The following NFATC1 variants were observed in gnomAD, a reference collection of about 807,000 sequenced individuals.
NFATC1 encodes the protein nuclear factor of activated T cells 1.
NFATC1 carries 22 observed loss-of-function variants against 76.0 expected under a neutral mutation model. That is an observed-to-expected ratio of 0.29 (90% CI 0.21 to 0.41). The LOEUF (loss-of-function observed/expected upper bound fraction) is 0.41, where lower values mean the gene tolerates loss of function less well. NFATC1 is among the 10% of genes least tolerant of loss of function. NFATC1 has a pLI of 1.00. For synonymous variants in NFATC1, 704 were observed against 613.1 expected, an observed-to-expected ratio of 1.15 and a Z score of -2.19; for missense variants, 1,357 against 1,337.7, an observed-to-expected ratio of 1.01 and a Z score of -0.23.
chr18:79,487,684 G>A (rs925861706), intron 9 of NFATC1, among the ~76,000 whole-genome samples: 2 of 152,206 alleles, frequency 1.3e-5, no homozygotes, highest in Non-Finnish European at 2.9e-5. Context: ...CGTTCTTCTC[G>A]ACTGTTTACA....
chr18:79,501,254 A>G (rs1229845671), intron 9 of NFATC1, among the ~76,000 whole-genome samples: 1 of 152,266 alleles, frequency 6.6e-6, no homozygotes, highest in Non-Finnish European at 1.5e-5. Context: ...AATGCAAGAA[A>G]AAAAGCATTT....
chr18:79,520,843 GTGTGTCTGTGTATGTGT>G (rs2090525498), intron 9 of NFATC1, among the ~76,000 whole-genome samples: 1 of 42,914 alleles, frequency 2.3e-5, no homozygotes, highest in Non-Finnish European at 4.6e-5. Context: ...CCACTGATGT[GTGTGTCTGTGTATGTGT>G]GGGGGGGGCA....
chr18:79,400,466 C>T lies in NFATC1; in HGVS notation c.127+4115C>T, dbSNP rs1284229550. 4.7e-6 allele frequency: 7 copies of T among 1,487,282 alleles called. No individual in the cohort carries two copies. In the African/African-American group the frequency reaches 7.3e-5, roughly 16 times the overall value. The allele number at this position is 1,487,282 out of a possible 1,614,324, so 92.1% of individuals were successfully genotyped here. On this transcript the variant is annotated intron_variant, in intron 1 of 9. Coordinates refer to ENST00000427363, the MANE Select transcript of NFATC1 (RefSeq NM_001278669.2). ...TTAACCAGCGCGACGAGGGCGCCGC[C>T]GCGGCCGCCCCAGGTGGGTCAGTCC...
chr18:79,424,809 GTCTCTGTCTCTCTGTCTCTCTCCA>G (rs1348970621), intron 2 of NFATC1, among the ~76,000 whole-genome samples: 1,486 of 121,816 alleles, frequency 0.012, 29 homozygotes, highest in African/African-American at 0.038. Flanking sequence ...GTGTCTGTCT[GTCTCTGTCTCTCTGTCTCTCTCCA>G]TCTCTGTCTC....
intron 3 of NFATC1, among the ~76,000 whole-genome samples, chr18:79,438,568 C>T (rs2086862545): frequency 6.6e-6 from 1 of 152,228 alleles, no homozygotes; most frequent in Admixed American, 6.5e-5. Context: ...TAATAGGTCA[C>T]TGGAATGTGA....
At chr18:79,509,898 C>T (rs1220013803) in intron 9 of NFATC1, among the ~76,000 whole-genome samples, 1 of 152,214 alleles carries the variant, frequency 6.6e-6, no homozygotes, top group Non-Finnish European at 1.5e-5. Flanking sequence ...AAAGTGTCCT[C>T]GGCGCCAGGT....
chr18:79,400,169 T>C, intron 1 of NFATC1: 2 of 1,107,118 alleles, frequency 1.8e-6, no homozygotes, highest in East Asian at 4.9e-5. Flanking sequence ...CACGAGTTTA[T>C]TTAAAAACTC....
intron 3 of NFATC1, among the ~76,000 whole-genome samples, chr18:79,435,317 T>C (rs1188698169): frequency 1.4e-5 from 2 of 141,028 alleles, no homozygotes; most frequent in Non-Finnish European, 3.1e-5. Flanking sequence ...GAGAGAGCTC[T>C]GAGGTTTCTG....
chr18:79,400,238 T>C, intron 1 of NFATC1: 1 of 1,198,042 alleles, frequency 8.3e-7, no homozygotes, highest in Admixed American at 4.8e-5. Context: ...GTTGTTTATG[T>C]AAACCCGGAA....
Position 79,486,697 on chromosome 18 carries a change from TC to T in NFATC1, c.2543del (p.Ser848PhefsTer64). ...LEHSLCPSSP[S>X]PPLPPATQEP... Reference sequence around the variant, plus strand: ...ACACTCGCTCTGCCCCAGCAGCCCCTCTCCTCCACTCCCGCCTGCCACCCAA... The same window carrying T: ...ACACTCGCTCTGCCCCAGCAGCCCCTTCCTCCACTCCCGCCTGCCACCCAA... On this transcript the variant is annotated frameshift_variant, in exon 9 of 10. Coordinates refer to ENST00000427363, the MANE Select transcript of NFATC1 (RefSeq NM_001278669.2). LOFTEE classifies it high-confidence loss of function. 6.3e-7 allele frequency: 1 copy of T among 1,598,498 alleles called. No homozygotes were observed. Among genetic ancestry groups the T allele is most frequent in the Non-Finnish European group, 8.5e-7 (1 of 1,175,026 alleles).
At chr18:79,440,679 A>C (rs761756045) in intron 3 of NFATC1, among the ~76,000 whole-genome samples, 1 of 152,198 alleles carries the variant, frequency 6.6e-6, no homozygotes, top group Non-Finnish European at 1.5e-5. Context: ...CACTGTCTGC[A>C]CTGTCCAGTG....
chr18:79,518,975 CA>C (rs1343457365), intron 9 of NFATC1, among the ~76,000 whole-genome samples: 2 of 152,224 alleles, frequency 1.3e-5, no homozygotes, highest in African/African-American at 4.8e-5. Context: ...GGGTCTCAGT[CA>C]AACCTCTTCC....
chr18:79,416,021 C>T (rs1373477329), intron 2 of NFATC1, among the ~76,000 whole-genome samples: 1 of 152,214 alleles, frequency 6.6e-6, no homozygotes, highest in Non-Finnish European at 1.5e-5. Context: ...GAGGTCGTGC[C>T]ACTGCACTCC....
chr18:79,515,453 TGGGC>T (rs2090356471), intron 9 of NFATC1, among the ~76,000 whole-genome samples: 1 of 147,706 alleles, frequency 6.8e-6, no homozygotes, highest in Non-Finnish European at 1.5e-5. Context: ...GTGGTGGTGG[TGGGC>T]GGGTGGTGGT....
At chr18:79,440,461 C>T (rs1288599055) in intron 3 of NFATC1, among the ~76,000 whole-genome samples, 2 of 152,244 alleles carry the variant, frequency 1.3e-5, no homozygotes, top group East Asian at 1.9e-4. Flanking sequence ...CGTGGGGAGG[C>T]GGCGCCCTGG....
intron 8 of NFATC1, among the ~76,000 whole-genome samples, chr18:79,471,446 C>A (rs1005248310): frequency 5.9e-5 from 9 of 152,324 alleles, no homozygotes; most frequent in African/African-American, 1.7e-4. Flanking sequence ...CTACCAAAGT[C>A]AGTATTTTTT....
At chr18:79,499,619 C>G (rs432328) in intron 9 of NFATC1, among the ~76,000 whole-genome samples, 83,119 of 152,042 alleles carry the variant, frequency 0.55, 26,058 homozygotes, top group Non-Finnish European at 0.71. Context: ...CAGGGTACAA[C>G]CATATGCTGT....
At chr18:79,491,793 G>C (rs1359946974) in intron 9 of NFATC1, among the ~76,000 whole-genome samples, 3 of 152,196 alleles carry the variant, frequency 2.0e-5, no homozygotes, top group Non-Finnish European at 4.4e-5. Context: ...GGGGGAGACA[G>C]GCCAGCGTCT....
chr18:79,423,744 C>T (rs1301758755), intron 2 of NFATC1, among the ~76,000 whole-genome samples: 1 of 152,218 alleles, frequency 6.6e-6, no homozygotes, highest in African/African-American at 2.4e-5. Flanking sequence ...ACCTGCTTCT[C>T]ATCCACCGAT....
Sources: gnomAD v4.1 joint callset for allele counts (sites outside exome capture counted in the v4.1 genomes callset) on GRCh38, gnomAD v4.1.1 for gene constraint, MANE v1.5 for transcripts, NCBI Gene and HGNC (gene_info 2026-07-23, HGNC 2026-07-21) for gene names.